The following RAB33A variants were observed in gnomAD, a reference collection of about 807,000 sequenced individuals.
The protein encoded by RAB33A is ras-related protein Rab-33A.
In RAB33A, 6 loss-of-function variants were observed where a neutral mutation model predicts 12.0. The observed-to-expected ratio is 0.50, with a 90% CI of 0.27 to 0.99. RAB33A has a LOEUF of 0.99. RAB33A is among the 50% of genes least tolerant of loss of function. The probability of loss-of-function intolerance (pLI) is 0.11; values close to 1 mark genes in which losing one functional copy is unlikely to be tolerated. For missense variants in RAB33A, 109 were observed against 192.0 expected (o/e 0.57, Z 2.55); for synonymous variants, 70 against 82.4 (o/e 0.85, Z 0.81).
At chrX:130,126,064 C>T in the RAB33A span, among the ~76,000 whole-genome samples, 1 of 112,595 alleles carries the variant, frequency 8.9e-6, no homozygotes, top group Non-Finnish European at 1.9e-5. Flanking sequence ...CTCTAGATGA[C>T]TGCTCTTTGG....
rs772978059 is a variant in RAB33A, at chrX:130,178,372, G to C, written c.259-5913G>C. On this transcript the variant is annotated intron_variant, in intron 1 of 1. Transcript: ENST00000257017. ...GACCAGGCGTGGTGGCTCACACCTA[G>C]AGTCCCAGCACTTTGGGAGGCCCAG... Among the ~76,000 whole-genome samples, 3 of 109,378 alleles carry C rather than the reference G, an allele frequency of 2.7e-5. No homozygotes were observed. The East Asian group carries it at 8.8e-4, about 32-fold the overall frequency. 95.0% of individuals were successfully genotyped at this position (109,378 alleles called of 115,157 possible). A position where few individuals can be genotyped will look rare whatever the true frequency, so the allele number is the denominator to read the frequency against.
chrX:130,126,776 A>G, the RAB33A span, among the ~76,000 whole-genome samples: 7 of 112,500 alleles, frequency 6.2e-5, no homozygotes, highest in Non-Finnish European at 1.3e-4. Context: ...CATCCTGAAA[A>G]GAAAACATGG....
the RAB33A span, chrX:130,147,524 G>A: frequency 8.3e-7 from 1 of 1,210,247 alleles, no homozygotes; most frequent in South Asian, 1.8e-5. Context: ...TGTTTGAATC[G>A]CAGTGTCTTT....
chrX:130,128,191 T>G, the RAB33A span, among the ~76,000 whole-genome samples: 2 of 111,663 alleles, frequency 1.8e-5, no homozygotes, highest in Non-Finnish European at 3.8e-5. Flanking sequence ...TTAAAAAAAA[T>G]CCAGACTGGT....
the RAB33A span, among the ~76,000 whole-genome samples, chrX:130,154,757 C>T: frequency 2.7e-5 from 3 of 112,430 alleles, no homozygotes; most frequent in East Asian, 2.8e-4. Context: ...TTACATTTTA[C>T]CTAAAATGAT....
the RAB33A span, among the ~76,000 whole-genome samples, chrX:130,132,812 T>A: frequency 9.5e-6 from 1 of 105,175 alleles, no homozygotes. Flanking sequence ...AGTGGTGTGA[T>A]CTCGGCTCAC....
the RAB33A span, among the ~76,000 whole-genome samples, chrX:130,154,518 T>A: frequency 8.9e-6 from 1 of 112,303 alleles, no homozygotes; most frequent in Admixed American, 9.5e-5. Flanking sequence ...CAGAAAGCAA[T>A]CTACATGAAT....
At chrX:130,143,186 A>G in the RAB33A span, among the ~76,000 whole-genome samples, 4 of 110,465 alleles carry the variant, frequency 3.6e-5, no homozygotes, top group Admixed American at 1.9e-4. Context: ...GGCTTCACCT[A>G]CTCTCATGGT....
chrX:130,142,755 C>T, the RAB33A span, among the ~76,000 whole-genome samples: 1 of 111,384 alleles, frequency 9.0e-6, no homozygotes, highest in Non-Finnish European at 1.9e-5. Context: ...AAGCGATTCT[C>T]GTGCTTCAGC....
chrX:130,155,044 A>C, the RAB33A span: 22 of 984,688 alleles, frequency 2.2e-5, no homozygotes, highest in Non-Finnish European at 2.6e-5. Flanking sequence ...ATAAACACCT[A>C]GAGAAAGCAC....
At chrX:130,148,081 T>C in the RAB33A span, among the ~76,000 whole-genome samples, 4 of 112,167 alleles carry the variant, frequency 3.6e-5, no homozygotes, top group Admixed American at 1.9e-4. Context: ...AAGTGAAAAA[T>C]AGGAGAATGA....
the RAB33A span, among the ~76,000 whole-genome samples, chrX:130,125,347 C>T: frequency 8.9e-6 from 1 of 111,735 alleles, no homozygotes; most frequent in African/African-American, 3.3e-5. Context: ...TAGAACCAGC[C>T]AGGCAGGGGA....
the RAB33A span, among the ~76,000 whole-genome samples, chrX:130,115,775 G>A: frequency 9.0e-6 from 1 of 111,520 alleles, no homozygotes; most frequent in Non-Finnish European, 1.9e-5. Context: ...GGAATGAGGA[G>A]TGTATTCAAA....
At chrX:130,183,029 C>T (rs2031748467) in intron 1 of RAB33A, among the ~76,000 whole-genome samples, 2 of 107,752 alleles carry the variant, frequency 1.9e-5, no homozygotes, top group Admixed American at 1.0e-4. Flanking sequence ...CTCAGCCTCC[C>T]GAGTAGCTGG....
At chrX:130,175,014 T>C (rs987924093) in intron 1 of RAB33A, among the ~76,000 whole-genome samples, 1 of 111,243 alleles carries the variant, frequency 9.0e-6, no homozygotes, top group Non-Finnish European at 1.9e-5. Context: ...ATAATAATAA[T>C]AACAACTATG....
chrX:130,112,283 GAC>G, the RAB33A span, among the ~76,000 whole-genome samples: 1 of 104,934 alleles, frequency 9.5e-6, no homozygotes, highest in East Asian at 3.0e-4. Flanking sequence ...AGATCCTGGA[GAC>G]ACACAGTTCT....
the RAB33A span, among the ~76,000 whole-genome samples, chrX:130,124,700 A>G: frequency 8.9e-6 from 1 of 112,898 alleles, no homozygotes; most frequent in Non-Finnish European, 1.9e-5. Flanking sequence ...TGCTCACTGC[A>G]GCAAGAAAGA....
chrX:130,163,288 G>A, the RAB33A span, among the ~76,000 whole-genome samples: 1 of 93,820 alleles, frequency 1.1e-5, no homozygotes, highest in African/African-American at 4.2e-5. Flanking sequence ...CTGGGAAACT[G>A]AGCGAGACTC....
the RAB33A span, among the ~76,000 whole-genome samples, chrX:130,118,330 A>G: frequency 8.9e-6 from 1 of 112,304 alleles, no homozygotes; most frequent in East Asian, 2.8e-4. Context: ...TCAGCCCCCA[A>G]TTTCATCCAC....
Sources: allele counts gnomAD v4.1 joint callset (sites outside exome capture counted in the v4.1 genomes callset), GRCh38; gene constraint gnomAD v4.1.1; transcripts MANE v1.5; gene names NCBI Gene and HGNC (gene_info 2026-07-23, HGNC 2026-07-21).